The following ATP8A1 variants were observed in gnomAD, a reference collection of about 807,000 sequenced individuals.
The protein encoded by ATP8A1 is phospholipid-transporting ATPase IA.
A neutral mutation model predicts 177.7 loss-of-function variants in ATP8A1; 90 were observed. The observed-to-expected ratio is 0.51, with a 90% confidence interval of 0.43 to 0.60. The LOEUF is 0.60. ATP8A1 is among the 20% of genes least tolerant of loss of function. The pLI is 0.00. For synonymous variants in ATP8A1, 493 were observed against 485.9 expected, an observed-to-expected ratio of 1.01 and a Z score of -0.19; for missense variants, 1,072 against 1,392.8, an observed-to-expected ratio of 0.77 and a Z score of 3.67.
chr4:42,653,682 A>T (rs17448575), intron 1 of ATP8A1, among the ~76,000 whole-genome samples: 44,578 of 152,100 alleles, frequency 0.29, 7,901 homozygotes, highest in Non-Finnish European at 0.39. Flanking sequence ...GCCCTGTTAG[A>T]TATTATATAT....
chr4:42,653,692 T>A (rs887862454), intron 1 of ATP8A1, among the ~76,000 whole-genome samples: 2 of 152,232 alleles, frequency 1.3e-5, no homozygotes, highest in Non-Finnish European at 2.9e-5. Flanking sequence ...ATATTATATA[T>A]TGGAGTTAGG....
chr4:42,553,297 T>C (rs1038295857), intron 16 of ATP8A1, among the ~76,000 whole-genome samples: 10 of 152,208 alleles, frequency 6.6e-5, no homozygotes, highest in Non-Finnish European at 1.3e-4. Flanking sequence ...ATTTAAATTT[T>C]AGGCATGCAA....
At chr4:42,533,322 A>G (rs989695448) in intron 20 of ATP8A1, among the ~76,000 whole-genome samples, 43 of 152,162 alleles carry the variant, frequency 2.8e-4, no homozygotes, top group African/African-American at 9.9e-4. Flanking sequence ...AGTGGGAGTG[A>G]GACCAGCCTT....
At chr4:42,459,003 G>A (rs928073956) in intron 27 of ATP8A1, among the ~76,000 whole-genome samples, 2 of 152,204 alleles carry the variant, frequency 1.3e-5, no homozygotes, top group African/African-American at 4.8e-5. Flanking sequence ...GTATTGACAT[G>A]AGCCATTAAC....
At chr4:42,519,071 C>T (rs1197042862) in intron 22 of ATP8A1, among the ~76,000 whole-genome samples, 1 of 151,960 alleles carries the variant, frequency 6.6e-6, no homozygotes, top group Non-Finnish European at 1.5e-5. Flanking sequence ...CACAAAGATC[C>T]CTGTGTTATT....
At chr4:42,539,361 G>A (rs1425389558) in intron 20 of ATP8A1, among the ~76,000 whole-genome samples, 1 of 147,972 alleles carries the variant, frequency 6.8e-6, no homozygotes, top group African/African-American at 2.5e-5. Flanking sequence ...CACCACTGAA[G>A]AATTTATTCA....
intron 6 of ATP8A1, among the ~76,000 whole-genome samples, chr4:42,597,787 A>G (rs183314581): frequency 3.9e-5 from 6 of 152,312 alleles, no homozygotes; most frequent in Admixed American, 2.0e-4. Context: ...ATAAATAGCC[A>G]AACTGCTCGT....
At chr4:42,488,093 A>C (rs770324237) in intron 24 of ATP8A1, among the ~76,000 whole-genome samples, 11 of 152,228 alleles carry the variant, frequency 7.2e-5, no homozygotes, top group Non-Finnish European at 1.6e-4. Context: ...GACAATCTAT[A>C]ATAGATATCC....
Position 42,522,260 on chromosome 4 carries a change from T to G in ATP8A1, c.1847A>C (p.Glu616Ala). The G allele has an allele frequency of 6.2e-7, 1 of 1,613,806 alleles. No homozygotes were observed. The highest frequency in any genetic ancestry group is 8.5e-7 in the Non-Finnish European group (1 of 1,179,890). ...TLCFAVAEIS[E>A]SDFQEWRAVY... The stretch of plus-strand genomic sequence containing the variant: ...TGCTCGCCACTCCTGAAAGTCGCTC[T>G]CTGAAATCTCAGCCACAGCAAAACA... Residue 616 changes from glutamate (E) to alanine (A), a missense_variant, in exon 22 of 37, where the codon GAG (glutamate) becomes GCG (alanine). Around this residue, in one of 5 missense-constraint regions of ATP8A1, gnomAD observed 388 missense variants for 471.7 expected, o/e 0.82. Transcript: ENST00000381668.
intron 35 of ATP8A1, 66 bp from the exon 36 acceptor site, chr4:42,414,784 G>C: frequency 8.4e-7 from 1 of 1,186,588 alleles, no homozygotes; most frequent in Non-Finnish European, 1.3e-6. Flanking sequence ...TGTGCCCACA[G>C]GACCACCAAA....
At chr4:42,615,930 T>G in intron 5 of ATP8A1, 103 bp downstream of exon 5, 30 of 1,094,580 alleles carry the variant, frequency 2.7e-5, no homozygotes, top group Middle Eastern at 5.3e-4. Flanking sequence ...AACAAAAACT[T>G]GAGATGCACA....
chr4:42,656,068 T>A (rs1741578243), intron 1 of ATP8A1, among the ~76,000 whole-genome samples: 1 of 152,210 alleles, frequency 6.6e-6, no homozygotes, highest in Non-Finnish European at 1.5e-5. Flanking sequence ...TGAGGGCTCC[T>A]CGGAGACGAT....
chr4:42,504,841 ACC>A (rs1724208766), intron 23 of ATP8A1, among the ~76,000 whole-genome samples: 1 of 152,216 alleles, frequency 6.6e-6, no homozygotes, highest in Non-Finnish European at 1.5e-5. Flanking sequence ...GGCCCCGTCC[ACC>A]CTGGACACTG....
At chr4:42,528,214 T>C (rs2153200562) in intron 20 of ATP8A1, among the ~76,000 whole-genome samples, 1 of 152,256 alleles carries the variant, frequency 6.6e-6, no homozygotes, top group Non-Finnish European at 1.5e-5. Context: ...ATAGACATAC[T>C]TAGCAACTGG....
intron 20 of ATP8A1, among the ~76,000 whole-genome samples, chr4:42,538,710 C>G (rs990114079): frequency 6.6e-6 from 1 of 152,132 alleles, no homozygotes; most frequent in African/African-American, 2.4e-5. Flanking sequence ...CAATGTGATA[C>G]CACCTTACTC....
At chr4:42,496,438 G>T (rs1375584055) in intron 24 of ATP8A1, among the ~76,000 whole-genome samples, 1 of 152,126 alleles carries the variant, frequency 6.6e-6, no homozygotes, top group Non-Finnish European at 1.5e-5. Context: ...AGCACGCGGG[G>T]AGGAACTGGG....
intron 24 of ATP8A1, among the ~76,000 whole-genome samples, chr4:42,494,572 A>C (rs1723079888): frequency 6.6e-6 from 1 of 152,192 alleles, no homozygotes; most frequent in African/African-American, 2.4e-5. Flanking sequence ...ACTATCAGCT[A>C]CTTCTGGAAA....
intron 9 of ATP8A1, 124 bp downstream of exon 9, chr4:42,586,225 A>T (rs1440588223): frequency 9.1e-7 from 1 of 1,104,594 alleles, no homozygotes; most frequent in Non-Finnish European, 1.3e-6. Context: ...AAAATGCTTT[A>T]AAAAGGGTTT....
At chr4:42,634,957 C>T (rs1560544320) in intron 1 of ATP8A1, among the ~76,000 whole-genome samples, 1 of 152,144 alleles carries the variant, frequency 6.6e-6, no homozygotes, top group Non-Finnish European at 1.5e-5. Flanking sequence ...GTCATTCAAA[C>T]AGTTCCCGTC....
Sources: allele counts gnomAD v4.1 joint callset (sites outside exome capture counted in the v4.1 genomes callset), GRCh38; gene constraint gnomAD v4.1.1; regional missense constraint gnomAD v4.1.1; transcripts MANE v1.5; gene names NCBI Gene and HGNC (gene_info 2026-07-23, HGNC 2026-07-21).